PDE11A: variants seen among roughly 807,000 people sequenced by gnomAD.
PDE11A encodes phosphodiesterase 11A.
In PDE11A, 100 loss-of-function variants were observed where a neutral mutation model predicts 100.5. The observed-to-expected ratio is 1.00, with a 90% CI of 0.85 to 1.18. The LOEUF is 1.18. Ranked by LOEUF, PDE11A falls within the 50% of genes most tolerant of loss-of-function variation. The pLI, the probability that PDE11A is intolerant of heterozygous loss-of-function variation, is 0.00. For missense variants in PDE11A, 1,141 were observed against 1,152.6 expected (o/e 0.99, Z 0.15); for synonymous variants, 381 against 420.8 (o/e 0.91, Z 1.16).
At chr2:177,738,324 C>T (rs1029378086) in intron 10 of PDE11A, among the ~76,000 whole-genome samples, 1 of 152,076 alleles carries the variant, frequency 6.6e-6, no homozygotes, top group Non-Finnish European at 1.5e-5. Context: ...AGCATGGTGG[C>T]TCTGTGAGTT....
chr2:178,096,169 C>CTTTTTTCTTTT (rs1553508244), intron 2 of PDE11A, among the ~76,000 whole-genome samples: 3 of 120,110 alleles, frequency 2.5e-5, no homozygotes, highest in African/African-American at 3.2e-5. Context: ...CTTTTCTTTT[C>CTTTTTTCTTTT]TTTTTTTTTT....
At chr2:177,850,773 A>G (rs1426961972) in intron 5 of PDE11A, among the ~76,000 whole-genome samples, 1 of 152,236 alleles carries the variant, frequency 6.6e-6, no homozygotes, top group Non-Finnish European at 1.5e-5. Context: ...CAGCCAACAG[A>G]CACATGAAAA....
chr2:177,863,222 A>G (rs1187392707), intron 5 of PDE11A, among the ~76,000 whole-genome samples: 1 of 151,998 alleles, frequency 6.6e-6, no homozygotes, highest in African/African-American at 2.4e-5. Context: ...AAAAACTATA[A>G]AATTCCTAGA....
At chr2:177,701,046 C>A in intron 14 of PDE11A, 75 bp downstream of exon 14, 1 of 860,964 alleles carries the variant, frequency 1.2e-6, no homozygotes, top group East Asian at 2.4e-5. Context: ...TGTGGCACCA[C>A]AAAGGAAGAG....
chr2:178,050,456 C>T (rs1398329639), intron 1 of PDE11A, among the ~76,000 whole-genome samples: 5 of 152,152 alleles, frequency 3.3e-5, no homozygotes, highest in Admixed American at 6.5e-5. Context: ...TCTCCTCTAA[C>T]GGAACGCAGC....
chr2:177,745,815 C>G (rs1457745674), intron 10 of PDE11A, among the ~76,000 whole-genome samples: 1 of 152,214 alleles, frequency 6.6e-6, no homozygotes, highest in Non-Finnish European at 1.5e-5. Context: ...GCTTGTCAGG[C>G]GGGCTGAGTC....
intron 2 of PDE11A, among the ~76,000 whole-genome samples, chr2:178,101,459 G>C (rs1237212461): frequency 6.6e-6 from 1 of 152,110 alleles, no homozygotes; most frequent in African/African-American, 2.4e-5. Flanking sequence ...TTTTTAATTG[G>C]GGCTTCAATA....
chr2:177,922,869 T>G (rs1200773895), intron 2 of PDE11A: 1 of 972,486 alleles, frequency 1.0e-6, no homozygotes, highest in African/African-American at 1.8e-5. Context: ...TCCATGCCCA[T>G]GTACAACTAA....
At chr2:177,902,473 G>T (rs1050136545) in intron 3 of PDE11A, among the ~76,000 whole-genome samples, 2 of 152,138 alleles carry the variant, frequency 1.3e-5, no homozygotes, top group African/African-American at 4.8e-5. Flanking sequence ...AACAGATAAT[G>T]GAAGTATTTT....
intron 2 of PDE11A, among the ~76,000 whole-genome samples, chr2:178,012,200 T>C (rs1287070868): frequency 6.6e-6 from 1 of 152,102 alleles, no homozygotes; most frequent in Non-Finnish European, 1.5e-5. Flanking sequence ...GTGGGAGTTG[T>C]AGAGGCTGGA....
chr2:178,087,267 TGCTTGAACCTGGGAG>T (rs1349419091), intron 2 of PDE11A, among the ~76,000 whole-genome samples: 1 of 151,356 alleles, frequency 6.6e-6, no homozygotes. Context: ...GCAGGAGAAT[TGCTTGAACCTGGGAG>T]GCAGAGGTTG....
chr2:177,721,467 A>T (rs1455853236), intron 12 of PDE11A, among the ~76,000 whole-genome samples: 2 of 152,178 alleles, frequency 1.3e-5, no homozygotes, highest in African/African-American at 4.8e-5. Flanking sequence ...ACTAAATAAT[A>T]AGACTTGAGA....
upstream of PDE11A, chr2:178,072,906 T>C (rs1184168452): frequency 1.0e-6 from 1 of 985,312 alleles, no homozygotes; most frequent in Non-Finnish European, 1.2e-6. Flanking sequence ...CGGCCCAGGC[T>C]GCCAGGCGGT....
At chr2:177,891,145 T>C (rs2084522501) in intron 4 of PDE11A, among the ~76,000 whole-genome samples, 1 of 152,154 alleles carries the variant, frequency 6.6e-6, no homozygotes, top group Admixed American at 6.6e-5. Flanking sequence ...GTGCAAAGGT[T>C]ACCCCTTTTT....
At chr2:177,698,427 A>G (rs1159549296) in intron 14 of PDE11A, 1 of 152,120 alleles carries the variant, frequency 6.6e-6, no homozygotes, top group East Asian at 1.9e-4. Flanking sequence ...TTCATTTTTT[A>G]GGTTTTCTTA....
intron 16 of PDE11A, among the ~76,000 whole-genome samples, chr2:177,679,634 C>A (rs1327283961): frequency 2.0e-5 from 3 of 151,984 alleles, no homozygotes; most frequent in Admixed American, 6.6e-5. Context: ...AAGAAATTGC[C>A]TTGCAAGAAA....
At chr2:178,080,516 C>T (rs2087271428) in intron 2 of PDE11A, among the ~76,000 whole-genome samples, 1 of 151,888 alleles carries the variant, frequency 6.6e-6, no homozygotes, top group African/African-American at 2.4e-5. Flanking sequence ...TGTCCAACAA[C>T]AGATTTTAAT....
At chr2:177,662,756 A>C (rs1415552177) in intron 19 of PDE11A, among the ~76,000 whole-genome samples, 1 of 152,236 alleles carries the variant, frequency 6.6e-6, no homozygotes, top group South Asian at 2.1e-4. Flanking sequence ...CATGTATTTA[A>C]TGGCTAATAT....
chr2:177,805,329 A>AC (rs942018474), intron 9 of PDE11A, among the ~76,000 whole-genome samples: 2 of 150,724 alleles, frequency 1.3e-5, no homozygotes, highest in African/African-American at 4.9e-5. Flanking sequence ...GGTTTCCATG[A>AC]TTTTTTTTTC....
Sources: gnomAD v4.1 joint callset for allele counts (sites outside exome capture counted in the v4.1 genomes callset) on GRCh38, gnomAD v4.1.1 for gene constraint, MANE v1.5 for transcripts, NCBI Gene and HGNC (gene_info 2026-07-23, HGNC 2026-07-21) for gene names.